The following FAM117A variants were observed in gnomAD, a reference collection of about 807,000 sequenced individuals.
The protein encoded by FAM117A is protein FAM117A.
In FAM117A, 21 loss-of-function variants were observed where a neutral mutation model predicts 44.1. The ratio of observed to expected loss-of-function variants is 0.48; its 90% CI spans 0.34 to 0.69. The LOEUF is 0.69. FAM117A is among the 30% of genes least tolerant of loss of function. The pLI, the probability that FAM117A is intolerant of heterozygous loss-of-function variation, is 0.01. For missense variants in FAM117A, 498 were observed against 589.9 expected (o/e 0.84, Z 1.61); for synonymous variants, 220 against 238.3 (o/e 0.92, Z 0.71).
chr17:49,749,392 T>C (rs375342613), intron 1 of FAM117A, among the ~76,000 whole-genome samples: 4 of 151,814 alleles, frequency 2.6e-5, no homozygotes, highest in Non-Finnish European at 5.9e-5. Context: ...CTGGCCAACA[T>C]GGTGAAACCC....
intron 1 of FAM117A, among the ~76,000 whole-genome samples, chr17:49,758,293 T>C (rs894172471): frequency 4.0e-5 from 6 of 151,032 alleles, no homozygotes; most frequent in African/African-American, 1.2e-4. Flanking sequence ...ATCATGCCAT[T>C]GCACTCCAGC....
At chr17:49,740,451 G>T (rs540213245) in intron 1 of FAM117A, among the ~76,000 whole-genome samples, 4 of 152,092 alleles carry the variant, frequency 2.6e-5, no homozygotes, top group Non-Finnish European at 4.4e-5. Flanking sequence ...GGGTTTCACC[G>T]TGTTAGCCAG....
chr17:49,755,465 C>T (rs2073695105), intron 1 of FAM117A, among the ~76,000 whole-genome samples: 1 of 152,218 alleles, frequency 6.6e-6, no homozygotes, highest in Non-Finnish European at 1.5e-5. Flanking sequence ...TCACCATATC[C>T]ACTTCAAAGC....
intron 1 of FAM117A, among the ~76,000 whole-genome samples, chr17:49,780,907 T>G (rs1598039780): frequency 6.6e-6 from 1 of 152,216 alleles, no homozygotes; most frequent in Admixed American, 6.5e-5. Context: ...CTCGGCTCGC[T>G]GCAACCTCCG....
upstream of FAM117A, among the ~76,000 whole-genome samples, chr17:49,766,267 T>A (rs1457372367): frequency 6.6e-6 from 1 of 152,222 alleles, no homozygotes; most frequent in African/African-American, 2.4e-5. Flanking sequence ...ACTGTTCACA[T>A]CTTACATAAA....
intron 2 of FAM117A, among the ~76,000 whole-genome samples, chr17:49,729,741 T>A (rs2073576822): frequency 6.6e-6 from 1 of 152,064 alleles, no homozygotes; most frequent in Non-Finnish European, 1.5e-5. Context: ...CCTGACCTTG[T>A]GATCTGCCCA....
intron 1 of FAM117A, among the ~76,000 whole-genome samples, chr17:49,735,465 T>C (rs150288011): frequency 1.9e-3 from 285 of 152,332 alleles, no homozygotes; most frequent in Admixed American, 4.7e-3. Flanking sequence ...TTTGCCATAG[T>C]TGTAATCAGT....
At chr17:49,764,861 C>G (rs2073740405), upstream of FAM117A, among the ~76,000 whole-genome samples, 1 of 152,186 alleles carries the variant, frequency 6.6e-6, no homozygotes, top group Admixed American at 6.5e-5. Flanking sequence ...AAAACAATTG[C>G]TAGCCTGTAA....
At chr17:49,728,921 C>T (rs1384250266) in intron 2 of FAM117A, among the ~76,000 whole-genome samples, 28 of 152,234 alleles carry the variant, frequency 1.8e-4, no homozygotes, top group Non-Finnish European at 2.9e-5. Flanking sequence ...CATATATCCG[C>T]ACGCTTCCTC....
At chr17:49,788,286 T>C (rs547005111) in intron 1 of FAM117A, among the ~76,000 whole-genome samples, 5 of 152,242 alleles carry the variant, frequency 3.3e-5, no homozygotes, top group African/African-American at 1.2e-4. Flanking sequence ...TGAGTTTATA[T>C]AATAAACGGA....
upstream of FAM117A, chr17:49,764,200 G>C (rs1053973075): frequency 8.0e-6 from 4 of 502,998 alleles, no homozygotes; most frequent in Non-Finnish European, 1.3e-5. Flanking sequence ...TCATCCTAGA[G>C]CTGTCATTGG....
chr17:49,742,425 G>C (rs897689827), intron 1 of FAM117A, among the ~76,000 whole-genome samples: 1 of 152,222 alleles, frequency 6.6e-6, no homozygotes, highest in Non-Finnish European at 1.5e-5. Context: ...TATATAAAAA[G>C]AGTAGACAGC....
chr17:49,759,583 T>A (rs2073714589), intron 1 of FAM117A, among the ~76,000 whole-genome samples: 2 of 152,166 alleles, frequency 1.3e-5, no homozygotes, highest in Admixed American at 1.3e-4. Flanking sequence ...CGGTTGGAAA[T>A]CTCTTCTAAT....
In FAM117A at chr17:49,784,208, A is replaced by C. The variant is rs144504443; in HGVS notation, c.-621+4289T>G. ...TTTTAGGCAGCTTACAAAACTGAGG[A>C]GGCAAGAGACTGATACAAGTAAGGA... On this transcript the variant is annotated intron_variant, in intron 1 of 7. Coordinates refer to the FAM117A transcript ENST00000513602. Among the ~76,000 whole-genome samples, 19 of 152,362 alleles carry C rather than the reference A, an allele frequency of 1.2e-4. No homozygotes were observed. In the East Asian group the frequency reaches 3.7e-3, roughly 29 times the overall value.
At chr17:49,733,443 T>A (rs927471315) in intron 1 of FAM117A, among the ~76,000 whole-genome samples, 2 of 151,888 alleles carry the variant, frequency 1.3e-5, no homozygotes, top group Admixed American at 1.3e-4. Context: ...CTTTGGGAGG[T>A]GGGCAGATCA....
At chr17:49,774,408 G>A (rs1432662112) in intron 1 of FAM117A, among the ~76,000 whole-genome samples, 2 of 147,874 alleles carry the variant, frequency 1.4e-5, no homozygotes, top group African/African-American at 5.0e-5. Context: ...CATGCAGGCT[G>A]GAGCGCAATG....
In FAM117A at chr17:49,722,517, G is replaced by A. The variant is rs894083002; in HGVS notation, c.444C>T (p.Ser148=). The A allele has an allele frequency of 1.2e-6, 2 of 1,613,812 alleles. No individual in the cohort carries two copies. Among genetic ancestry groups the A allele is most frequent in the East Asian group, 4.5e-5 (2 of 44,886 alleles). ...CAHKRSASWG[S]TDHRKEISKL... ...TAGCTACCTCTTTTCGGTGGTCTGT[G>A]CTGCCCCAGGATGCTGAGCGCTTGT... is the stretch of plus-strand genomic sequence containing the variant. Residue 148 remains serine (S), a synonymous_variant, in exon 3 of 8, where the codon AGC becomes AGT. Coordinates refer to ENST00000240364, the MANE Select transcript of FAM117A (RefSeq NM_030802.4).
chr17:49,769,660 G>C (rs759142706), intron 1 of FAM117A, among the ~76,000 whole-genome samples: 1 of 151,950 alleles, frequency 6.6e-6, no homozygotes, highest in East Asian at 1.9e-4. Context: ...AGCTGAGATC[G>C]CGCCACTGCA....
At chr17:49,768,802 A>G, upstream of FAM117A, among the ~76,000 whole-genome samples, 1 of 152,128 alleles carries the variant, frequency 6.6e-6, no homozygotes, top group Non-Finnish European at 1.5e-5. Flanking sequence ...TCTTACTCTC[A>G]GGGTAGCCAG....
Sources: allele counts gnomAD v4.1 joint callset (sites outside exome capture counted in the v4.1 genomes callset), GRCh38; gene constraint gnomAD v4.1.1; transcripts MANE v1.5; gene names NCBI Gene and HGNC (gene_info 2026-07-23, HGNC 2026-07-21).